The following GARIN2 variants were observed in gnomAD, a reference collection of about 807,000 sequenced individuals.
The protein encoded by GARIN2 is golgi associated RAB2 interactor family member 2, also known as Golgi-associated RAB2 interactor protein 2.
chr14:67,199,347 T>C, the GARIN2 span: 1 of 1,613,980 alleles, frequency 6.2e-7, no homozygotes, highest in Non-Finnish European at 8.5e-7. Flanking sequence ...AACAAAAACC[T>C]GGATGTAGGG....
At chr14:67,210,081 C>T in the GARIN2 span, among the ~76,000 whole-genome samples, 2 of 152,172 alleles carry the variant, frequency 1.3e-5, no homozygotes, top group East Asian at 1.9e-4. Context: ...ATTCAATTCA[C>T]ACCCCTAATG....
chr14:67,212,317 T>C, the GARIN2 span, among the ~76,000 whole-genome samples: 1 of 152,126 alleles, frequency 6.6e-6, no homozygotes, highest in East Asian at 1.9e-4. Flanking sequence ...ACAAAAAATG[T>C]ATCTTAGGGC....
At chr14:67,194,068 A>G in the GARIN2 span, among the ~76,000 whole-genome samples, 1 of 151,952 alleles carries the variant, frequency 6.6e-6, no homozygotes, top group South Asian at 2.1e-4. Flanking sequence ...CCAGATATTC[A>G]TAGTGAACCT....
chr14:67,208,179 G>A, the GARIN2 span: 114 of 1,611,818 alleles, frequency 7.1e-5, no homozygotes, highest in Non-Finnish European at 9.6e-5. Context: ...TACCTGATTT[G>A]CTGCTGCTTT....
the GARIN2 span, among the ~76,000 whole-genome samples, chr14:67,226,875 G>A: frequency 6.6e-6 from 1 of 152,112 alleles, no homozygotes; most frequent in African/African-American, 2.4e-5. Flanking sequence ...TGTATGGTGT[G>A]GAGACAGCGA....
chr14:67,195,907 T>C, the GARIN2 span, among the ~76,000 whole-genome samples: 1 of 152,212 alleles, frequency 6.6e-6, no homozygotes, highest in East Asian at 1.9e-4. Flanking sequence ...GAGAGGCCTT[T>C]AGAAGTAGCT....
At chr14:67,191,242 AC>A in the GARIN2 span, among the ~76,000 whole-genome samples, 1 of 152,248 alleles carries the variant, frequency 6.6e-6, no homozygotes, top group African/African-American at 2.4e-5. Context: ...TCAAAAAAAA[AC>A]AGCCATCATG....
chr14:67,211,331 T>A, the GARIN2 span, among the ~76,000 whole-genome samples: 1 of 152,160 alleles, frequency 6.6e-6, no homozygotes, highest in Non-Finnish European at 1.5e-5. Flanking sequence ...TAATGTAGAT[T>A]TGACTCACAT....
At chr14:67,214,162 T>C in the GARIN2 span, among the ~76,000 whole-genome samples, 1 of 152,212 alleles carries the variant, frequency 6.6e-6, no homozygotes, top group Non-Finnish European at 1.5e-5. Flanking sequence ...AGAAGCTCTT[T>C]AGTTTAATTA....
At chr14:67,193,741 G>C in the GARIN2 span, among the ~76,000 whole-genome samples, 5 of 146,078 alleles carry the variant, frequency 3.4e-5, no homozygotes, top group Non-Finnish European at 4.5e-5. Context: ...CCAGGAGTTT[G>C]AGACCAGCCT....
At chr14:67,221,695 C>A in the GARIN2 span, 2 of 1,562,960 alleles carry the variant, frequency 1.3e-6, no homozygotes, top group Middle Eastern at 2.0e-4. Flanking sequence ...AAAGAATGAC[C>A]GGTTATTTTA....
the GARIN2 span, chr14:67,198,861 G>A: frequency 1.3e-5 from 8 of 639,224 alleles, no homozygotes; most frequent in Non-Finnish European, 2.0e-5. Context: ...ACAAAGAAAT[G>A]GTGAAATGAG....
the GARIN2 span, among the ~76,000 whole-genome samples, chr14:67,225,966 C>CGT: frequency 6.2e-5 from 4 of 64,192 alleles, no homozygotes; most frequent in South Asian, 4.8e-4. Context: ...TGTGTGTGCG[C>CGT]GCGCGCGCGT....
chr14:67,205,148 A>C, the GARIN2 span: 2 of 1,453,012 alleles, frequency 1.4e-6, no homozygotes, highest in South Asian at 2.8e-5. Flanking sequence ...GGTTACCGAG[A>C]TCACACTTCT....
the GARIN2 span, chr14:67,224,842 G>C: frequency 6.5e-6 from 2 of 308,538 alleles, no homozygotes; most frequent in African/African-American, 2.2e-5. Context: ...TAAGCAGCCA[G>C]GTTCATTCTT....
the GARIN2 span, among the ~76,000 whole-genome samples, chr14:67,196,479 C>CT: frequency 6.6e-6 from 1 of 152,330 alleles, no homozygotes; most frequent in East Asian, 1.9e-4. Context: ...GCCTTGGCCT[C>CT]TTAAAGTGCT....
chr14:67,225,425 C>G, the GARIN2 span, among the ~76,000 whole-genome samples: 1 of 152,152 alleles, frequency 6.6e-6, no homozygotes, highest in Non-Finnish European at 1.5e-5. Flanking sequence ...GTGGTTTCTG[C>G]TCTAGAATCC....
chr14:67,218,457 G>A, the GARIN2 span, among the ~76,000 whole-genome samples: 87 of 152,302 alleles, frequency 5.7e-4, no homozygotes, highest in Non-Finnish European at 1.1e-3. Flanking sequence ...GGGACAGCCT[G>A]TGGGCTGTTT....
At chr14:67,216,770 A>G in the GARIN2 span, among the ~76,000 whole-genome samples, 282 of 152,210 alleles carry the variant, frequency 1.9e-3, 4 homozygotes, top group Middle Eastern at 0.01. Flanking sequence ...AAAATACTTG[A>G]TAAGATTTTG....
Sources: gnomAD v4.1 joint callset for allele counts (sites outside exome capture counted in the v4.1 genomes callset) on GRCh38, gnomAD v4.1.1 for gene constraint, MANE v1.5 for transcripts, NCBI Gene and HGNC (gene_info 2026-07-23, HGNC 2026-07-21) for gene names.